The following ABCA1 variants were observed in gnomAD, a reference collection of about 807,000 sequenced individuals.
ABCA1 encodes ATP binding cassette subfamily A member 1.
ABCA1 carries 133 observed loss-of-function variants against 262.5 expected under a neutral mutation model. The ratio of observed to expected loss-of-function variants is 0.51; its 90% CI spans 0.44 to 0.59. ABCA1 has a LOEUF of 0.59. ABCA1 is among the 20% of genes least tolerant of loss of function. ABCA1 has a pLI of 0.00. For synonymous variants in ABCA1, 1,022 were observed against 1,043.5 expected (o/e 0.98, Z 0.40); for missense variants, 2,452 against 2,777.5 (o/e 0.88, Z 2.63).
intron 6 of ABCA1, among the ~76,000 whole-genome samples, chr9:104,860,743 T>G (rs139044915): frequency 2.0e-4 from 30 of 150,044 alleles, no homozygotes; most frequent in African/African-American, 7.5e-4. Context: ...TATTTCCTGA[T>G]TTTATAAAAT....
chr9:104,811,363 C>T (rs548241494), intron 28 of ABCA1, among the ~76,000 whole-genome samples: 52 of 152,350 alleles, frequency 3.4e-4, no homozygotes, highest in Admixed American at 9.8e-4. Flanking sequence ...ACGCTCCCCA[C>T]TGGCCTCAGT....
chr9:104,878,049 T>C (rs1463315271), intron 5 of ABCA1, among the ~76,000 whole-genome samples: 1 of 152,226 alleles, frequency 6.6e-6, no homozygotes, highest in Non-Finnish European at 1.5e-5. Flanking sequence ...TCATCCCAGA[T>C]ACCACACAAA....
At chr9:104,787,067 G>C (rs1224767856) in intron 46 of ABCA1, 91 bp from the exon 47 acceptor site, 1 of 1,086,380 alleles carries the variant, frequency 9.2e-7, no homozygotes, top group Non-Finnish European at 1.3e-6. Context: ...CTTTGAAACA[G>C]CTTAAATTTT....
chr9:104,840,650 T>G, intron 8 of ABCA1, 131 bp from the exon 9 acceptor site: 1 of 988,288 alleles, frequency 1.0e-6, no homozygotes, highest in Non-Finnish European at 1.5e-6. Flanking sequence ...CAGAACATAT[T>G]TTGTCTGATG....
chr9:104,888,058 G>GGTATGT (rs1554744307), intron 3 of ABCA1, among the ~76,000 whole-genome samples: 4 of 140,304 alleles, frequency 2.9e-5, no homozygotes, highest in African/African-American at 1.2e-4. Flanking sequence ...TTTCTTGAGG[G>GGTATGT]GTGTGTGTGT....
intron 15 of ABCA1, 43 bp from the exon 16 acceptor site, chr9:104,827,212 C>T: frequency 6.6e-7 from 1 of 1,514,334 alleles, no homozygotes; most frequent in Non-Finnish European, 9.2e-7. Flanking sequence ...CTCAACAATC[C>T]CAAGCACTCA....
At chr9:104,870,835 G>T (rs2482423) in intron 5 of ABCA1, among the ~76,000 whole-genome samples, 1 of 152,116 alleles carries the variant, frequency 6.6e-6, no homozygotes, top group Non-Finnish European at 1.5e-5. Flanking sequence ...ACAGTCAAAG[G>T]GGGTTGTTCT....
intron 11 of ABCA1, among the ~76,000 whole-genome samples, chr9:104,834,125 A>C (rs1179898370): frequency 6.7e-6 from 1 of 149,880 alleles, no homozygotes; most frequent in African/African-American, 2.4e-5. Flanking sequence ...TTATTATTTC[A>C]ATGGCAGCAT....
At chr9:104,798,663 G>A in intron 36 of ABCA1, 65 bp from the exon 37 acceptor site, 1 of 1,429,176 alleles carries the variant, frequency 7.0e-7, no homozygotes, top group Non-Finnish European at 9.7e-7. Context: ...AATCAGTGAG[G>A]ACATGGACAC....
chr9:104,854,544 A>G (rs1024170767), intron 7 of ABCA1, among the ~76,000 whole-genome samples: 1 of 152,082 alleles, frequency 6.6e-6, no homozygotes, highest in Admixed American at 6.5e-5. Context: ...CTGCAGTCCA[A>G]AACAGATTGG....
At chr9:104,815,967 T>C (rs1358948290) in intron 25 of ABCA1, among the ~76,000 whole-genome samples, 176 bp downstream of exon 25, 4 of 152,228 alleles carry the variant, frequency 2.6e-5, no homozygotes, top group Non-Finnish European at 4.4e-5. Flanking sequence ...ACTTCTTTCC[T>C]GCTATCTCCC....
At chr9:104,810,211 G>C (rs1831159844) in intron 29 of ABCA1, among the ~76,000 whole-genome samples, 1 of 144,054 alleles carries the variant, frequency 6.9e-6, no homozygotes, top group African/African-American at 2.6e-5. Flanking sequence ...CACTGACACA[G>C]TTCCCCCATC....
chr9:104,873,314 G>A (rs984726137), intron 5 of ABCA1, among the ~76,000 whole-genome samples: 15 of 152,344 alleles, frequency 9.8e-5, no homozygotes, highest in Admixed American at 3.3e-4. Context: ...GTCTGAGGCT[G>A]TAACCTCAAC....
At chr9:104,871,821 G>A (rs57353097) in intron 5 of ABCA1, among the ~76,000 whole-genome samples, 3 of 151,988 alleles carry the variant, frequency 2.0e-5, no homozygotes, top group African/African-American at 7.3e-5. Context: ...AAAGAAAAGA[G>A]AGTTTGAGGC....
intron 25 of ABCA1, among the ~76,000 whole-genome samples, chr9:104,814,899 G>A (rs1831603930): frequency 6.6e-6 from 1 of 152,184 alleles, no homozygotes; most frequent in Admixed American, 6.5e-5. Context: ...GGAGGCTGAG[G>A]CAGGAGAATC....
At position 104,810,954 on chromosome 9, in the gene ABCA1, G is replaced by T. The variant is rs1182202613; in HGVS notation, c.4051-30C>A. On this transcript the variant is annotated intron_variant, in intron 28 of 49. Coordinates refer to ENST00000374736, the MANE Select transcript of ABCA1 (RefSeq NM_005502.4). Reference sequence around the variant, plus strand: ...ACCCAGGCAGTGGAGGGGGCAGGGGGACAGCAGGAAACGGCAAGTGTTAGA... The same window carrying T: ...ACCCAGGCAGTGGAGGGGGCAGGGGTACAGCAGGAAACGGCAAGTGTTAGA... 3 of 1,613,752 alleles carry T rather than the reference G, an allele frequency of 1.9e-6. No individual in the cohort carries two copies. In the African/African-American group the frequency reaches 4.0e-5, roughly 22 times the overall value.
In ABCA1 at chr9:104,802,213, A is replaced by G. The variant is rs1588238248; in HGVS notation, c.4593-54T>C. On this transcript the variant is annotated intron_variant, in intron 33 of 49. Coordinates refer to ENST00000374736, the MANE Select transcript of ABCA1 (RefSeq NM_005502.4). ...AGACAGTGGGGTGCACAGTATCATCAGCAGCAGACTCAGTGCGAGTGTGTA... is the reference window on the plus strand; with the variant it reads ...AGACAGTGGGGTGCACAGTATCATCGGCAGCAGACTCAGTGCGAGTGTGTA... 2.7e-6 allele frequency: 4 copies of G among 1,477,724 alleles called. No individual in the cohort carries two copies. The East Asian group carries it at 9.1e-5, about 33-fold the overall frequency. The allele number at this position is 1,477,724 out of a possible 1,614,324, so 91.5% of individuals were successfully genotyped here.
At chr9:104,917,428 T>C (rs2118516848) in intron 1 of ABCA1, among the ~76,000 whole-genome samples, 1 of 149,806 alleles carries the variant, frequency 6.7e-6, no homozygotes, top group African/African-American at 2.5e-5. Flanking sequence ...TTTTCAGCAC[T>C]TCTTCAGCCT....
At chr9:104,899,076 G>A (rs1183500830) in intron 2 of ABCA1, among the ~76,000 whole-genome samples, 1 of 152,180 alleles carries the variant, frequency 6.6e-6, no homozygotes, top group Non-Finnish European at 1.5e-5. Flanking sequence ...ACAAGTAATA[G>A]ATGCTTAATA....
Sources: gnomAD v4.1 joint callset for allele counts (sites outside exome capture counted in the v4.1 genomes callset) on GRCh38, gnomAD v4.1.1 for gene constraint, MANE v1.5 for transcripts, NCBI Gene and HGNC (gene_info 2026-07-23, HGNC 2026-07-21) for gene names.